Variants in ULK4 observed in about 807,000 individuals in gnomAD.
The protein encoded by ULK4 is inactive serine/threonine-protein kinase ULK4.
A neutral mutation model predicts 160.6 loss-of-function variants in ULK4; 133 were observed. That is an observed-to-expected ratio of 0.83 (90% CI 0.72 to 0.96). The LOEUF is 0.96. Ranked by LOEUF, ULK4 falls within the 40% of genes least tolerant of loss-of-function variation. ULK4 has a pLI of 0.00. For missense variants in ULK4, 1,580 were observed against 1,499.5 expected, an observed-to-expected ratio of 1.05 and a Z score of -0.89; for synonymous variants, 534 against 539.8, an observed-to-expected ratio of 0.99 and a Z score of 0.15.
intron 22 of ULK4, among the ~76,000 whole-genome samples, chr3:41,741,603 G>C (rs1359233282): frequency 6.6e-6 from 1 of 151,912 alleles, no homozygotes; most frequent in Non-Finnish European, 1.5e-5. Context: ...ATGCATGCCT[G>C]TTAAAATCAA....
chr3:41,693,672 A>G (rs1436742302), intron 27 of ULK4, among the ~76,000 whole-genome samples: 1 of 152,218 alleles, frequency 6.6e-6, no homozygotes, highest in Non-Finnish European at 1.5e-5. Flanking sequence ...GTTTATCTAC[A>G]AGAGTAATGA....
intron 31 of ULK4, among the ~76,000 whole-genome samples, chr3:41,601,777 T>C (rs72862109): frequency 0.061 from 9,354 of 152,138 alleles, 975 homozygotes; most frequent in African/African-American, 0.21. Flanking sequence ...ACTAAGGTCA[T>C]CCAAAAGAAG....
At chr3:41,911,978 C>T (rs556375545) in intron 9 of ULK4, among the ~76,000 whole-genome samples, 2 of 151,926 alleles carry the variant, frequency 1.3e-5, no homozygotes, top group East Asian at 3.9e-4. Context: ...CATAGTGAGA[C>T]CTTGTCTCTA....
At chr3:41,374,306 A>T (rs1017095014) in intron 35 of ULK4, among the ~76,000 whole-genome samples, 95 of 152,334 alleles carry the variant, frequency 6.2e-4, no homozygotes, top group African/African-American at 2.2e-3. Context: ...CATCATCCTG[A>T]TACCAAAACC....
At chr3:41,545,398 G>A (rs985815756) in intron 32 of ULK4, among the ~76,000 whole-genome samples, 7 of 152,086 alleles carry the variant, frequency 4.6e-5, no homozygotes, top group Admixed American at 1.3e-4. Context: ...ACTTTCTGGA[G>A]ATATAAAAAT....
chr3:41,954,891 TATGTGTAAAAAATC>T, intron 1 of ULK4, 84 bp from the exon 2 acceptor site: 1 of 856,920 alleles, frequency 1.2e-6, no homozygotes, highest in South Asian at 2.3e-5. Context: ...TAGGATATTA[TATGTGTAAAAAATC>T]TAGCAAATCG....
At position 41,720,073 on chromosome 3, in the gene ULK4, C is replaced by T. The variant is rs1385710548; in HGVS notation, c.2322-2212G>A. ...CCAATGATTTCCTTAAATTAAAGCC[C>T]TCTATGGTACTGTCTCATAGCATGG... On this transcript the variant is annotated intron_variant, in intron 22 of 36. Coordinates refer to ENST00000301831, the MANE Select transcript of ULK4 (RefSeq NM_017886.4). 2.0e-5 allele frequency among the ~76,000 whole-genome samples: 3 copies of T among 152,094 alleles called. No individual in the cohort carries two copies. The East Asian group carries it at 5.8e-4, about 29-fold the overall frequency.
Position 41,941,036 on chromosome 3 carries a change from C to CTT in ULK4, c.139-2841_139-2840dup, listed in dbSNP as rs564613112. Among the ~76,000 whole-genome samples, 126 of 141,538 alleles carry CTT rather than the reference C, an allele frequency of 8.9e-4. 1 individual carries two copies. The highest frequency in any genetic ancestry group is 3.1e-3 in the African/African-American group (118 of 38,536). The allele number at this position is 141,538 out of a possible 152,430, so 92.9% of individuals were successfully genotyped here. On this transcript the variant is annotated intron_variant, in intron 2 of 36. Coordinates refer to ENST00000301831, the MANE Select transcript of ULK4 (RefSeq NM_017886.4). ...AAGTGCTTTCAATCCTGTTCTTAACCTTTTTTTTTTTTTTTTGAAACAAGG... is the reference window on the plus strand; with the variant it reads ...AAGTGCTTTCAATCCTGTTCTTAACCTTTTTTTTTTTTTTTTTTGAAACAAGG...
intron 17 of ULK4, among the ~76,000 whole-genome samples, chr3:41,882,951 C>G (rs894789494): frequency 1.3e-5 from 2 of 152,058 alleles, no homozygotes; most frequent in African/African-American, 4.8e-5. Flanking sequence ...TGGGTACCAT[C>G]AGTAATCATA....
chr3:41,630,485 C>G (rs1269720745), intron 30 of ULK4, among the ~76,000 whole-genome samples: 1 of 152,130 alleles, frequency 6.6e-6, no homozygotes, highest in Admixed American at 6.6e-5. Context: ...CTTCTCAAGC[C>G]TCAAATCTCT....
chr3:41,816,862 G>C (rs189217862), intron 19 of ULK4, among the ~76,000 whole-genome samples: 4 of 152,152 alleles, frequency 2.6e-5, no homozygotes, highest in Admixed American at 6.5e-5. Context: ...AAATGTTTGC[G>C]AAGATATGGG....
chr3:41,509,376 C>A (rs559976421), intron 32 of ULK4, among the ~76,000 whole-genome samples: 57 of 152,242 alleles, frequency 3.7e-4, no homozygotes, highest in African/African-American at 1.2e-3. Context: ...GAAGAAGAGA[C>A]ATGTAAAAGT....
intron 30 of ULK4, among the ~76,000 whole-genome samples, chr3:41,661,523 GATAGATAA>G (rs1440136696): frequency 9.3e-5 from 14 of 150,888 alleles, no homozygotes; most frequent in East Asian, 7.7e-4. Context: ...TAGATAGATA[GATAGATAA>G]ATAGATAGAT....
At chr3:41,861,206 TTC>T (rs764277403) in intron 17 of ULK4, among the ~76,000 whole-genome samples, 11 of 152,344 alleles carry the variant, frequency 7.2e-5, no homozygotes, top group Middle Eastern at 3.4e-3. Context: ...TGTTACAATA[TTC>T]TCTGTTTTTC....
At chr3:41,412,063 A>T (rs2082420324) in intron 34 of ULK4, among the ~76,000 whole-genome samples, 1 of 152,226 alleles carries the variant, frequency 6.6e-6, no homozygotes, top group Admixed American at 6.5e-5. Flanking sequence ...GTAATTAACA[A>T]ACAAGGTACT....
At position 41,768,465 on chromosome 3, in the gene ULK4, C is replaced by T. The variant is rs138936250; in HGVS notation, c.2194-13977G>A. Among the ~76,000 whole-genome samples the T allele has an allele frequency of 6.9e-4, 105 of 152,262 alleles. 1 individual carries two copies. The highest frequency in any genetic ancestry group is 2.4e-3 in the African/African-American group (99 of 41,556). Reference sequence around the variant, plus strand: ...GTTTGAAATGGTCATGTAGATTCTACCTTGTACTCCTGAAACAGTCACTCT... The same window carrying T: ...GTTTGAAATGGTCATGTAGATTCTATCTTGTACTCCTGAAACAGTCACTCT... On this transcript the variant is annotated intron_variant, in intron 21 of 36. Coordinates refer to ENST00000301831, the MANE Select transcript of ULK4 (RefSeq NM_017886.4).
chr3:41,474,112 C>G (rs953935263), intron 32 of ULK4, among the ~76,000 whole-genome samples: 2 of 152,102 alleles, frequency 1.3e-5, no homozygotes, highest in African/African-American at 4.8e-5. Context: ...TCAAACTATA[C>G]TACAAAGCAA....
At chr3:41,775,345 C>T (rs1487712547) in intron 21 of ULK4, among the ~76,000 whole-genome samples, 2 of 150,134 alleles carry the variant, frequency 1.3e-5, no homozygotes, top group Non-Finnish European at 2.9e-5. Flanking sequence ...TTAATAATAT[C>T]CATATCCACA....
intron 31 of ULK4, among the ~76,000 whole-genome samples, chr3:41,610,439 C>T (rs1336571444): frequency 3.3e-5 from 5 of 152,116 alleles, no homozygotes; most frequent in Admixed American, 6.5e-5. Context: ...CTCTTTTTAA[C>T]GTACTCTAAG....
Sources: allele counts gnomAD v4.1 joint callset (sites outside exome capture counted in the v4.1 genomes callset), GRCh38; gene constraint gnomAD v4.1.1; transcripts MANE v1.5; gene names NCBI Gene and HGNC (gene_info 2026-07-23, HGNC 2026-07-21).